Variants in HERC2 observed in about 807,000 individuals in gnomAD.
The protein encoded by HERC2 is HECT and RLD domain containing E3 ubiquitin protein ligase 2.
Under a neutral mutation model 537.7 loss-of-function variants are expected in HERC2, and 102 were observed. The observed-to-expected ratio is 0.19, with a 90% CI of 0.16 to 0.22. HERC2 has a LOEUF of 0.22. Ranked by LOEUF, HERC2 falls within the 10% of genes least tolerant of loss-of-function variation. The pLI is 1.00. For synonymous variants in HERC2, 2,224 were observed against 2,466.2 expected, an observed-to-expected ratio of 0.90 and a Z score of 2.91; for missense variants, 4,236 against 6,198.2, an observed-to-expected ratio of 0.68 and a Z score of 10.63.
At chr15:28,319,870 T>C (rs2077186036) in intron 2 of HERC2, among the ~76,000 whole-genome samples, 1 of 152,212 alleles carries the variant, frequency 6.6e-6, no homozygotes, top group African/African-American at 2.4e-5. Flanking sequence ...TTTCTCAAAA[T>C]ACATAAACAC....
chr15:28,205,424 A>C (rs1321778433), intron 45 of HERC2, among the ~76,000 whole-genome samples: 1 of 132,588 alleles, frequency 7.5e-6, no homozygotes, highest in East Asian at 2.1e-4. Flanking sequence ...CTCATGGCCA[A>C]CCTCCTCCCT....
In HERC2 at chr15:28,121,388, G is replaced by C. The variant is rs770779069; in HGVS notation, c.13230C>G (p.Arg4410=). 1.9e-6 allele frequency: 3 copies of C among 1,614,062 alleles called. No homozygotes were observed. The highest frequency in any genetic ancestry group is 2.7e-5 in the African/African-American group (2 of 74,930). ...CCACGACGGGGCCATGCTGACGATC[G>C]CGTACCATAGTTGCTTGTACTACTT... is the stretch of plus-strand genomic sequence containing the variant. ...FRKVVQATMV[R]DRQHGPVVEL... is the part of the protein sequence containing the mutation. The change falls in exon 86 of 93, where the codon CGC becomes CGG. Residue 4410 remains arginine (R), a synonymous_variant. Coordinates refer to ENST00000261609, the MANE Select transcript of HERC2 (RefSeq NM_004667.6).
rs1396784837 is a variant in HERC2 at position 28,233,132 on chromosome 15, T to C, written c.4675+14A>G. 11 of 1,601,844 alleles carry C rather than the reference T, an allele frequency of 6.9e-6. No individual in the cohort carries two copies. Among genetic ancestry groups the C allele is most frequent in the Non-Finnish European group, 9.4e-6 (11 of 1,171,644 alleles). On this transcript the variant is annotated intron_variant, in intron 30 of 92. Transcript: ENST00000261609. ...CAAGCTTTAATAGTATCTTCTGTCCTTTTACATTCTTACCTCTCTTTTTCC... is the reference window on the plus strand; with the variant it reads ...CAAGCTTTAATAGTATCTTCTGTCCCTTTACATTCTTACCTCTCTTTTTCC...
intron 2 of HERC2, among the ~76,000 whole-genome samples, chr15:28,317,832 T>C (rs965095119): frequency 6.6e-6 from 1 of 152,250 alleles, no homozygotes; most frequent in Non-Finnish European, 1.5e-5. Flanking sequence ...ATGTAACCAC[T>C]GGGGCAGTAT....
chr15:28,144,383 G>C (rs1891525850), intron 72 of HERC2, 148 bp from the exon 73 acceptor site: 2 of 824,420 alleles, frequency 2.4e-6, no homozygotes, highest in Admixed American at 2.8e-5. Flanking sequence ...GCGAGTCGGT[G>C]AGACTCGCTC....
chr15:28,200,725 AGAT>A (rs1244834994), intron 48 of HERC2, among the ~76,000 whole-genome samples: 10 of 151,256 alleles, frequency 6.6e-5, no homozygotes, highest in Admixed American at 5.9e-4. Context: ...GTTAGATATG[AGAT>A]GATATTAAGG....
In HERC2 at chr15:28,262,962, G is replaced by A. The variant is rs773944401; in HGVS notation, c.2078C>T (p.Thr693Ile). The A allele has an allele frequency of 5.6e-6, 9 of 1,614,070 alleles. No homozygotes were observed. The highest frequency in any genetic ancestry group is 1.3e-5 in the African/African-American group (1 of 74,936). Residue 693 changes from threonine to isoleucine, a missense_variant, in exon 15 of 93, where the codon ACA becomes ATA. Around this residue, in one of 27 missense-constraint regions of HERC2, gnomAD observed 754 missense variants for 1,085.0 expected, o/e 0.69. Coordinates refer to ENST00000261609, the MANE Select transcript of HERC2 (RefSeq NM_004667.6). ...KGDNQRLGHGTEEHVRYPKLL... is the reference protein window; with the variant it reads ...KGDNQRLGHGIEEHVRYPKLL... ...TTTTGGATAACGAACATGTTCCTCT[G>A]TTCCATGTCCAAGTCTCTGGTTGTC...
chr15:28,176,393 G>A lies in HERC2; in HGVS notation c.9686+35C>T. On this transcript the variant is annotated intron_variant, in intron 63 of 92. Transcript: ENST00000261609. This position sits in a 1 kb window ranked among gnomAD's most constrained non-coding sequence, Gnocchi z 5.0. ...AGGTTCCCTGCACACACCTGCACAA[G>A]CACACACAGTGTGACAGGGAGGACG... is the stretch of plus-strand genomic sequence containing the variant. 2 of 1,607,914 alleles carry A rather than the reference G, an allele frequency of 1.2e-6. No homozygotes were observed. The highest frequency in any genetic ancestry group is 2.2e-5 in the South Asian group (2 of 90,774).
At chr15:28,292,659 A>G (rs2076350145) in intron 4 of HERC2, among the ~76,000 whole-genome samples, 1 of 152,194 alleles carries the variant, frequency 6.6e-6, no homozygotes, top group Non-Finnish European at 1.5e-5. Flanking sequence ...CTAATTAGTC[A>G]AGCGTGATGG....
At chr15:28,225,882 C>T (rs564470124) in intron 35 of HERC2, among the ~76,000 whole-genome samples, 5 of 152,058 alleles carry the variant, frequency 3.3e-5, no homozygotes, top group East Asian at 3.9e-4. Context: ...ATAAATTACC[C>T]GAACTGACTC....
At chr15:28,248,980 G>C (rs545410826) in intron 20 of HERC2, among the ~76,000 whole-genome samples, 1 of 152,208 alleles carries the variant, frequency 6.6e-6, no homozygotes, top group Non-Finnish European at 1.5e-5. Context: ...ACTAATGTGC[G>C]CCTATGGAGC....
At chr15:28,178,726 T>A (rs1394017902) in intron 59 of HERC2, among the ~76,000 whole-genome samples, 161 bp downstream of exon 59, 4 of 152,196 alleles carry the variant, frequency 2.6e-5, no homozygotes, top group South Asian at 2.1e-4. Context: ...TTAGCAGCAA[T>A]AACTAAATTC....
intron 42 of HERC2, 185 bp downstream of exon 42, chr15:28,213,557 A>G (rs1899510027): frequency 2.8e-6 from 2 of 702,452 alleles, no homozygotes; most frequent in Non-Finnish European, 3.5e-6. Context: ...ATACACACGA[A>G]CCACTGCTTT....
intron 4 of HERC2, among the ~76,000 whole-genome samples, chr15:28,284,610 T>C (rs1047051866): frequency 7.9e-5 from 12 of 151,200 alleles, no homozygotes; most frequent in Middle Eastern, 6.9e-3. Context: ...TCAAATAAAG[T>C]AAACTTCAGA....
At chr15:28,223,890 C>T (rs1263419998) in intron 35 of HERC2, among the ~76,000 whole-genome samples, 2 of 151,924 alleles carry the variant, frequency 1.3e-5, no homozygotes, top group African/African-American at 4.8e-5. Context: ...CAGAACAAGT[C>T]CCCATACTTA....
At position 28,269,441 on chromosome 15, in the gene HERC2, A is replaced by G. The variant is rs2075659541; in HGVS notation, c.1258-5T>C. 6.3e-7 allele frequency: 1 copy of G among 1,596,470 alleles called. No homozygotes were observed. The highest frequency in any genetic ancestry group is 8.6e-7 in the Non-Finnish European group (1 of 1,165,634). On this transcript the variant is annotated splice_polypyrimidine_tract_variant and splice_region_variant and intron_variant, in intron 10 of 92. Transcript: ENST00000261609. Reference sequence around the variant, plus strand: ...TATGACCTCTTGCAATGATCCCTGTAAGATAAGAAAGTAAACATTTCCTTT... The same window carrying G: ...TATGACCTCTTGCAATGATCCCTGTGAGATAAGAAAGTAAACATTTCCTTT...
At chr15:28,272,434 T>C (rs765821241) in intron 8 of HERC2, 48 bp from the exon 9 acceptor site, 2 of 1,508,408 alleles carry the variant, frequency 1.3e-6, no homozygotes, top group Non-Finnish European at 1.8e-6. Flanking sequence ...TTAACTTCTT[T>C]TCTTCACAGT....
At position 28,176,729 on chromosome 15, in the gene HERC2, A is replaced by G; in HGVS notation, c.9472T>C (p.Cys3158Arg). 2.5e-6 allele frequency: 4 copies of G among 1,614,074 alleles called. No individual in the cohort carries two copies. Among genetic ancestry groups the G allele is most frequent in the Non-Finnish European group, 3.4e-6 (4 of 1,179,998 alleles). The change falls in exon 62 of 93, where the codon TGT becomes CGT. Residue 3158 changes from cysteine to arginine, a missense_variant. By Grantham distance (180) the Cys-to-Arg change is radical (BLOSUM62 -3). Coordinates refer to ENST00000261609, the MANE Select transcript of HERC2 (RefSeq NM_004667.6). The surrounding 1 kb of genome is among the most constrained non-coding windows in gnomAD (Gnocchi z 5.0). ...LLGHRVIQVA[C>R]GSRDAQTLAL... ...AGGGTCTGCGCGTCTCTACTCCCACATGCAACCTGGATTACTCTGTGACCG... is the reference window on the plus strand; with the variant it reads ...AGGGTCTGCGCGTCTCTACTCCCACGTGCAACCTGGATTACTCTGTGACCG...
At chr15:28,226,906 T>C (rs1194474809) in intron 35 of HERC2, among the ~76,000 whole-genome samples, 1 of 152,222 alleles carries the variant, frequency 6.6e-6, no homozygotes, top group Non-Finnish European at 1.5e-5. Flanking sequence ...TGGTGTTAAT[T>C]CTTCTTTAAA....
Sources: gnomAD v4.1 joint callset for allele counts (sites outside exome capture counted in the v4.1 genomes callset) on GRCh38, gnomAD v4.1.1 for gene constraint, gnomAD v4.1.1 regional missense constraint, Gnocchi (gnomAD v3.1) non-coding constraint, MANE v1.5 for transcripts, NCBI Gene and HGNC (gene_info 2026-07-23, HGNC 2026-07-21) for gene names.